SDHC: variants seen among roughly 807,000 people sequenced by gnomAD.
SDHC encodes succinate dehydrogenase cytochrome b560 subunit, mitochondrial.
SDHC carries 11 observed loss-of-function variants against 22.6 expected under a neutral mutation model. That is an observed-to-expected ratio of 0.49 (90% CI 0.31 to 0.81). The LOEUF (loss-of-function observed/expected upper bound fraction) is 0.81. SDHC is among the 30% of genes least tolerant of loss of function. SDHC has a pLI of 0.05. For missense variants in SDHC, 160 were observed against 212.0 expected (o/e 0.75, Z 1.52); for synonymous variants, 80 against 77.8 (o/e 1.03, Z -0.15).
At chr1:161,343,249 C>T (rs541250008) in intron 4 of SDHC, among the ~76,000 whole-genome samples, 1 of 152,136 alleles carries the variant, frequency 6.6e-6, no homozygotes, top group Non-Finnish European at 1.5e-5. Flanking sequence ...CTGACGTGGT[C>T]ATCAGTAGGG....
intron 4 of SDHC, among the ~76,000 whole-genome samples, chr1:161,349,428 GCACTCTAGC>G (rs1672028107): frequency 6.6e-6 from 1 of 152,152 alleles, no homozygotes; most frequent in African/African-American, 2.4e-5. Flanking sequence ...TCATGCCACT[GCACTCTAGC>G]CTGGGTGACA....
chr1:161,346,187 A>G (rs1246870782), intron 4 of SDHC, among the ~76,000 whole-genome samples: 1 of 152,068 alleles, frequency 6.6e-6, no homozygotes, highest in Non-Finnish European at 1.5e-5. Context: ...ACCCTCTAGC[A>G]CTCAATAGGT....
chr1:161,333,422 T>TA (rs35038284), intron 3 of SDHC, among the ~76,000 whole-genome samples: 1 of 149,420 alleles, frequency 6.7e-6, no homozygotes, highest in African/African-American at 2.5e-5. Context: ...TTTTTTTTTT[T>TA]AAAGACGGAG....
intron 4 of SDHC, among the ~76,000 whole-genome samples, chr1:161,346,893 A>G (rs1671917782): frequency 6.6e-6 from 1 of 152,226 alleles, no homozygotes. Flanking sequence ...AATTATCTCT[A>G]GATTACTTAT....
intron 1 of SDHC, among the ~76,000 whole-genome samples, chr1:161,322,841 C>T (rs1350946040): frequency 2.0e-5 from 3 of 152,104 alleles, no homozygotes; most frequent in African/African-American, 4.8e-5. Context: ...GGATTACAGG[C>T]GTGAGCCACT....
At chr1:161,360,919 C>A (rs1672485710) in intron 5 of SDHC, among the ~76,000 whole-genome samples, 1 of 152,036 alleles carries the variant, frequency 6.6e-6, no homozygotes, top group Non-Finnish European at 1.5e-5. Context: ...TTGAGACCAT[C>A]CTGGCCAACA....
chr1:161,320,246 A>T (rs1179440389), intron 1 of SDHC, among the ~76,000 whole-genome samples: 1 of 152,194 alleles, frequency 6.6e-6, no homozygotes, highest in Admixed American at 6.5e-5. Flanking sequence ...AAAGAAAAGA[A>T]ATCAAGGATG....
At chr1:161,327,254 G>C (rs1467380046) in intron 2 of SDHC, among the ~76,000 whole-genome samples, 1 of 152,164 alleles carries the variant, frequency 6.6e-6, no homozygotes, top group Non-Finnish European at 1.5e-5. Flanking sequence ...TAGGGATCTT[G>C]TCTATGTAAG....
intron 3 of SDHC, among the ~76,000 whole-genome samples, chr1:161,329,232 C>G (rs1671184653): frequency 6.6e-6 from 1 of 151,892 alleles, no homozygotes; most frequent in South Asian, 2.1e-4. Flanking sequence ...TTCAGACATG[C>G]TAATAAGCAG....
intron 4 of SDHC, among the ~76,000 whole-genome samples, chr1:161,353,179 C>A (rs551220574): frequency 6.6e-6 from 1 of 152,032 alleles, no homozygotes; most frequent in East Asian, 1.9e-4. Context: ...TTTTGACTCT[C>A]GTAGGTCATT....
At position 161,362,622 on chromosome 1, in the gene SDHC, T is replaced by C; in HGVS notation, c.*189T>C. On this transcript the variant is annotated 3_prime_UTR_variant, in exon 6 of 6. Coordinates refer to ENST00000367975, the MANE Select transcript of SDHC (RefSeq NM_003001.5). ...AGTGGAAAAGGGTCTAGTTTTCCCC[T>C]TGTTTCTAAAGATGAGGTGGCTGCA... is the stretch of plus-strand genomic sequence containing the variant. The C allele has an allele frequency of 6.3e-7, 1 of 1,589,498 alleles. No homozygotes were observed. Among genetic ancestry groups the C allele is most frequent in the Non-Finnish European group, 8.6e-7 (1 of 1,167,108 alleles).
At position 161,314,381 on chromosome 1, in the gene SDHC, A is replaced by T; in HGVS notation, c.-25A>T. 2 of 1,613,942 alleles carry T rather than the reference A, an allele frequency of 1.2e-6. No homozygotes were observed. The highest frequency in any genetic ancestry group is 1.7e-6 in the Non-Finnish European group (2 of 1,179,966). On this transcript the variant is annotated 5_prime_UTR_variant, in exon 1 of 6. Coordinates refer to ENST00000367975, the MANE Select transcript of SDHC (RefSeq NM_003001.5). ...TCGGGTGGCGGGGCCGCCTGGCGTC[A>T]CTTCCGTCCAGACCGGAACCCAAGA... is the stretch of plus-strand genomic sequence containing the variant.
At chr1:161,326,593 GTTTTA>G (rs1010399812) in intron 2 of SDHC, 6 of 135,590 alleles carry the variant, frequency 4.4e-5, no homozygotes, top group East Asian at 2.1e-4. Flanking sequence ...GGTCTTTAAG[GTTTTA>G]TTTTATTTTA....
chr1:161,341,439 A>G (rs929006958), intron 4 of SDHC, among the ~76,000 whole-genome samples: 7 of 152,208 alleles, frequency 4.6e-5, no homozygotes, highest in African/African-American at 1.4e-4. Flanking sequence ...AGTGAATTAT[A>G]TACTGGTCTT....
intron 3 of SDHC, among the ~76,000 whole-genome samples, chr1:161,332,083 T>C (rs1460195662): frequency 6.6e-6 from 1 of 152,092 alleles, no homozygotes; most frequent in Non-Finnish European, 1.5e-5. Context: ...ACTCAAGTGA[T>C]CTTCCTGACT....
At chr1:161,331,730 G>A (rs1671282722) in intron 3 of SDHC, among the ~76,000 whole-genome samples, 1 of 151,780 alleles carries the variant, frequency 6.6e-6, no homozygotes, top group South Asian at 2.1e-4. Flanking sequence ...CAAGTAGCTG[G>A]GATTACAGGC....
chr1:161,358,566 G>T (rs892888093), intron 5 of SDHC, among the ~76,000 whole-genome samples: 7 of 152,080 alleles, frequency 4.6e-5, no homozygotes, highest in Admixed American at 3.9e-4. Context: ...GAGCCTGGGA[G>T]GCGGAGGTTG....
chr1:161,360,877 C>T (rs1672484532), intron 5 of SDHC, among the ~76,000 whole-genome samples: 1 of 152,054 alleles, frequency 6.6e-6, no homozygotes, highest in South Asian at 2.1e-4. Flanking sequence ...CTTTGGGAGG[C>T]TGAGGAGGGT....
At chr1:161,321,684 A>AT (rs879402257) in intron 1 of SDHC, among the ~76,000 whole-genome samples, 4 of 152,136 alleles carry the variant, frequency 2.6e-5, no homozygotes, top group Admixed American at 6.5e-5. Context: ...TGTTCGTTAG[A>AT]TTTTTTTCCT....
Sources: gnomAD v4.1 joint callset for allele counts (sites outside exome capture counted in the v4.1 genomes callset) on GRCh38, gnomAD v4.1.1 for gene constraint, MANE v1.5 for transcripts, NCBI Gene and HGNC (gene_info 2026-07-23, HGNC 2026-07-21) for gene names.